ABCC8: variants seen among roughly 807,000 people sequenced by gnomAD.
ABCC8 encodes the protein ATP-binding cassette sub-family C member 8.
In ABCC8, 137 loss-of-function variants were observed where a neutral mutation model predicts 188.0. The observed-to-expected ratio is 0.73, with a 90% confidence interval of 0.63 to 0.84. The LOEUF (loss-of-function observed/expected upper bound fraction) is 0.84, where lower values mean the gene tolerates loss of function less well. Ranked by LOEUF, ABCC8 falls within the 40% of genes least tolerant of loss-of-function variation. ABCC8 has a pLI of 0.00. For missense variants in ABCC8, 1,750 were observed against 2,072.7 expected, an observed-to-expected ratio of 0.84 and a Z score of 3.02; for synonymous variants, 797 against 846.5, an observed-to-expected ratio of 0.94 and a Z score of 1.01.
intron 7 of ABCC8, among the ~76,000 whole-genome samples, chr11:17,450,603 T>C (rs1956774898): frequency 6.7e-6 from 1 of 148,984 alleles, no homozygotes; most frequent in South Asian, 2.1e-4. Flanking sequence ...TTCACCATGT[T>C]AGCCAGGATG....
chr11:17,466,864 G>C (rs12803384), intron 3 of ABCC8, among the ~76,000 whole-genome samples: 64,702 of 151,734 alleles, frequency 0.43, 14,360 homozygotes, highest in African/African-American at 0.56. Context: ...CGGGGTTTTG[G>C]CATGTTGGCC....
rs2133392897 is a variant in ABCC8, at chr11:17,393,686, G to A, written c.4608+11C>T. The A allele has an allele frequency of 6.2e-7, 1 of 1,614,188 alleles. No homozygotes were observed. Reference sequence around the variant, plus strand: ...GGGTGTCCCTCTGCACCCCATCAATGGGCCCCTTACCGCGATGGTGACCAC... The same window carrying A: ...GGGTGTCCCTCTGCACCCCATCAATAGGCCCCTTACCGCGATGGTGACCAC... On this transcript the variant is annotated intron_variant, in intron 38 of 38. Transcript: ENST00000389817.
In ABCC8 at chr11:17,460,646, G is replaced by A. The variant is rs773087569; in HGVS notation, c.853C>T (p.Arg285Trp). 1.1e-5 allele frequency: 17 copies of A among 1,611,000 alleles called. No individual in the cohort carries two copies. The East Asian group carries it at 2.0e-4, about 19-fold the overall frequency. Reference protein sequence around the residue: ...RKDIQGTQGARAIWQALSHAF... With the variant: ...RKDIQGTQGAWAIWQALSHAF... ...TGGCTGAGTGCCTGCCAGATGGCCCGGGCACCTTGAGTGCCCTGAATGTCC... is the reference window on the plus strand; with the variant it reads ...TGGCTGAGTGCCTGCCAGATGGCCCAGGCACCTTGAGTGCCCTGAATGTCC... The change falls in exon 6 of 39, where the codon CGG becomes TGG. Residue 285 changes from arginine (R) to tryptophan (W), a missense_variant. Physicochemically the swap from Arg to Trp is moderately radical, Grantham distance 101. Coordinates refer to ENST00000389817, the MANE Select transcript of ABCC8 (RefSeq NM_000352.6).
intron 36 of ABCC8, 59 bp downstream of exon 36, chr11:17,395,113 C>T: frequency 6.5e-7 from 1 of 1,547,558 alleles, no homozygotes; most frequent in Non-Finnish European, 8.7e-7. Flanking sequence ...TTCTGTCTGC[C>T]ATCCTTACAG....
At position 17,427,783 on chromosome 11, in the gene ABCC8, A is replaced by G. The variant is rs1955649981; in HGVS notation, c.2116+84T>C. 5 of 1,539,568 alleles carry G rather than the reference A, an allele frequency of 3.2e-6. No homozygotes were observed. The highest frequency in any genetic ancestry group is 2.3e-5 in the East Asian group (1 of 42,760). ...AGAATGAGCAGAGAGTAGGTGCTCA[A>G]TAAATGCAGCTTTGTCTTTTTATCT... On this transcript the variant is annotated intron_variant, in intron 15 of 38. Coordinates refer to ENST00000389817, the MANE Select transcript of ABCC8 (RefSeq NM_000352.6). The surrounding 1 kb of genome is among the most constrained non-coding windows in gnomAD (Gnocchi z 5.0).
At chr11:17,411,697 G>T (rs866077101) in intron 21 of ABCC8, among the ~76,000 whole-genome samples, 3 of 152,026 alleles carry the variant, frequency 2.0e-5, no homozygotes, top group Admixed American at 1.3e-4. Context: ...CCTGGACAAG[G>T]CCCCCTCATA....
chr11:17,439,378 C>T (rs1464029809), intron 10 of ABCC8, among the ~76,000 whole-genome samples: 1 of 152,082 alleles, frequency 6.6e-6, no homozygotes, highest in Non-Finnish European at 1.5e-5. Flanking sequence ...CAGGATGGGC[C>T]CCAACAGGAA....
At position 17,463,526 on chromosome 11, in the gene ABCC8, A is replaced by C; in HGVS notation, c.491T>G (p.Phe164Cys). 1 of 1,599,996 alleles carries C rather than the reference A, an allele frequency of 6.3e-7. No individual in the cohort carries two copies. The highest frequency in any genetic ancestry group is 8.5e-7 in the Non-Finnish European group (1 of 1,173,370). Residue 164 changes from phenylalanine to cysteine, a missense_variant, in exon 4 of 39, where the codon TTC becomes TGC. Phe to Cys is a radical substitution (Grantham distance 205). Transcript: ENST00000389817. ...FVKFLDHAIG[F>C]SQLRFCLTGL... ...TGTGAGGCAGAAGCGTAGCTGCGAG[A>C]AGCCGATGGCGTGGTCCAAGAACTT... is the stretch of plus-strand genomic sequence containing the variant.
intron 16 of ABCC8, among the ~76,000 whole-genome samples, chr11:17,424,047 A>G (rs1194902185): frequency 2.0e-5 from 3 of 152,184 alleles, no homozygotes; most frequent in Non-Finnish European, 4.4e-5. Flanking sequence ...CTGGCCTATA[A>G]TAAGTGCTTA....
At chr11:17,470,715 G>A (rs1049421649) in intron 2 of ABCC8, among the ~76,000 whole-genome samples, 7 of 152,204 alleles carry the variant, frequency 4.6e-5, no homozygotes, top group African/African-American at 1.4e-4. Context: ...ATTTTATGGG[G>A]TGAGGAAACT....
rs556735369 is a variant in ABCC8 at position 17,417,496 on chromosome 11, C to T, written c.2223-534G>A. On this transcript the variant is annotated intron_variant, in intron 16 of 38. Transcript: ENST00000389817. ...ACTGTAATGTCAAATGCTTTTCATACTGTGGATTTTGATAACTTAAAAAAC... is the reference window on the plus strand; with the variant it reads ...ACTGTAATGTCAAATGCTTTTCATATTGTGGATTTTGATAACTTAAAAAAC... Among the ~76,000 whole-genome samples the T allele has an allele frequency of 7.2e-5, 11 of 152,268 alleles. No homozygotes were observed. The South Asian group carries it at 1.9e-3, about 26-fold the overall frequency.
chr11:17,395,309 G>C, intron 35 of ABCC8, 34 bp from the exon 36 acceptor site: 1 of 1,556,170 alleles, frequency 6.4e-7, no homozygotes, highest in Non-Finnish European at 8.7e-7. Flanking sequence ...AGTAGGGAGG[G>C]AGCAGGGTCC....
At chr11:17,397,872 CG>C in intron 30 of ABCC8, 75 bp from the exon 31 acceptor site, 2 of 1,575,356 alleles carry the variant, frequency 1.3e-6, no homozygotes, top group Non-Finnish European at 8.6e-7. Context: ...CACTCCTTTT[CG>C]GGGCAGAGAG....
rs536160166 is a variant in ABCC8 at position 17,452,178 on chromosome 11, T to A, written c.1176+941A>T. On this transcript the variant is annotated intron_variant, in intron 7 of 38. Transcript: ENST00000389817. ...GACCCTGGGACTTGGACAACTCTCA[T>A]CATCACCTTCTTCAGAGGGGCCCTG... Among the ~76,000 whole-genome samples, 11 of 152,338 alleles carry A rather than the reference T, an allele frequency of 7.2e-5. No individual in the cohort carries two copies. In the South Asian group the frequency reaches 1.9e-3, roughly 26 times the overall value.
At chr11:17,449,752 A>T (rs1302289010) in intron 7 of ABCC8, among the ~76,000 whole-genome samples, 1 of 152,200 alleles carries the variant, frequency 6.6e-6, no homozygotes, top group Non-Finnish European at 1.5e-5. Context: ...TCTTTTGTGT[A>T]AACCCAGGCT....
At chr11:17,392,883 A>T, downstream of ABCC8, 4 of 1,371,062 alleles carry the variant, frequency 2.9e-6, no homozygotes, top group Middle Eastern at 7.6e-4. Flanking sequence ...TAGGGCCTCT[A>T]GTAGGAAATA....
chr11:17,456,059 G>A (rs1956985137), intron 6 of ABCC8, among the ~76,000 whole-genome samples: 1 of 151,944 alleles, frequency 6.6e-6, no homozygotes, highest in African/African-American at 2.4e-5. Flanking sequence ...AACGGGGAGG[G>A]GATATGATAG....
At chr11:17,469,055 C>A (rs943308096) in intron 3 of ABCC8, among the ~76,000 whole-genome samples, 13 of 4,208 alleles carry the variant, frequency 3.1e-3, no homozygotes, top group Non-Finnish European at 4.2e-3. Flanking sequence ...TTCTCCCTCC[C>A]TCCTCCCTCC....
rs773751318 is a variant in ABCC8 at position 17,427,988 on chromosome 11, C to T, written c.2041-46G>A. The T allele has an allele frequency of 6.2e-7, 1 of 1,601,958 alleles. No homozygotes were observed. Among genetic ancestry groups the T allele is most frequent in the South Asian group, 1.1e-5 (1 of 89,324 alleles). ...CGCCCAGGAGAGAACAGAAAGGCAG[C>T]CAGTTCCCAGTGAATAGTCTCTGGC... On this transcript the variant is annotated intron_variant, in intron 14 of 38. Transcript: ENST00000389817. This position sits in a 1 kb window ranked among gnomAD's most constrained non-coding sequence, Gnocchi z 5.0.
Sources: gnomAD v4.1 joint callset for allele counts (sites outside exome capture counted in the v4.1 genomes callset) on GRCh38, gnomAD v4.1.1 for gene constraint, Gnocchi (gnomAD v3.1) non-coding constraint, MANE v1.5 for transcripts, NCBI Gene and HGNC (gene_info 2026-07-23, HGNC 2026-07-21) for gene names.